PTPRB: variants seen among roughly 807,000 people sequenced by gnomAD.
PTPRB encodes protein tyrosine phosphatase receptor type B, also known as receptor-type tyrosine-protein phosphatase beta.
PTPRB carries 97 observed loss-of-function variants against 238.1 expected under a neutral mutation model. That is an observed-to-expected ratio of 0.41 (90% confidence interval 0.35 to 0.48). The LOEUF (loss-of-function observed/expected upper bound fraction) is 0.48. Among genes scored for constraint, PTPRB ranks in the 20% least tolerant of loss-of-function variants. The pLI, the probability that PTPRB is intolerant of heterozygous loss-of-function variation, is 0.30. For synonymous variants in PTPRB, 970 were observed against 995.4 expected (o/e 0.97, Z 0.48); for missense variants, 2,292 against 2,681.9 (o/e 0.85, Z 3.21).
rs1334902397 is a variant in PTPRB at position 70,544,666 on chromosome 12, G to A, written c.5388-3C>T. 1.9e-6 allele frequency: 3 copies of A among 1,559,640 alleles called. No homozygotes were observed. The Admixed American group carries it at 6.3e-5, about 33-fold the overall frequency. On this transcript the variant is annotated splice_polypyrimidine_tract_variant and splice_region_variant and intron_variant, in intron 21 of 33. Coordinates refer to ENST00000334414, the MANE Select transcript of PTPRB (RefSeq NM_001109754.4). The stretch of plus-strand genomic sequence containing the variant: ...GTGTAAAAGCTCGAATGCTGATTCT[G>A]AAAAGAAAACCGATTTATTTAAATA...
chr12:70,527,925 T>C (rs545390388), intron 32 of PTPRB, among the ~76,000 whole-genome samples: 6 of 152,272 alleles, frequency 3.9e-5, no homozygotes, highest in African/African-American at 1.2e-4. Flanking sequence ...ACAACTCAAC[T>C]TCAGCAGAGG....
At chr12:70,544,334 A>G (rs1490897634) in intron 22 of PTPRB, among the ~76,000 whole-genome samples, 1 of 152,214 alleles carries the variant, frequency 6.6e-6, no homozygotes, top group Non-Finnish European at 1.5e-5. Flanking sequence ...TTTAATAGAA[A>G]AAAATACTGT....
chr12:70,544,021 T>C (rs1223523861), intron 22 of PTPRB, among the ~76,000 whole-genome samples: 3 of 152,204 alleles, frequency 2.0e-5, no homozygotes, highest in Non-Finnish European at 4.4e-5. Flanking sequence ...TCTAACACAC[T>C]AGAGAAGTCT....
Position 70,626,369 on chromosome 12 carries a change from TCCTG to T in PTPRB, c.452-3727_452-3724del, listed in dbSNP as rs757749640. Among the ~76,000 whole-genome samples, 82 of 124,504 alleles carry T rather than the reference TCCTG, an allele frequency of 6.6e-4. 1 individual carries two copies. The highest frequency in any genetic ancestry group is 3.9e-3 in the Middle Eastern group (1 of 258). The allele number at this position is 124,504 out of a possible 152,430, so 81.7% of individuals were successfully genotyped here. A position where few individuals can be genotyped will look rare whatever the true frequency, so the allele number is the denominator to read the frequency against. ...TATCTATCTATCTATCTATCTATAT[TCCTG>T]CCTGCCTGCCTGCCTGCCTGCCTGC... On this transcript the variant is annotated intron_variant, in intron 2 of 33. Transcript: ENST00000334414.
At position 70,560,038 on chromosome 12, in the gene PTPRB, C is replaced by T. The variant is rs532875607; in HGVS notation, c.4433-414G>A. On this transcript the variant is annotated intron_variant, in intron 17 of 33. Coordinates refer to ENST00000334414, the MANE Select transcript of PTPRB (RefSeq NM_001109754.4). This position sits in a 1 kb window ranked among gnomAD's most constrained non-coding sequence, Gnocchi z 4.2. ...TTTTAGTAGAGACAGGGTTTCCTCT[C>T]GTTGACCAGGCTGGTCTCGAACTCC... Among the ~76,000 whole-genome samples, 75 of 151,978 alleles carry T rather than the reference C, an allele frequency of 4.9e-4. 1 individual carries two copies. Among genetic ancestry groups the T allele is most frequent in the African/African-American group, 1.1e-3 (46 of 41,464 alleles).
In PTPRB at chr12:70,594,461, A is replaced by G. The variant is rs755446524; in HGVS notation, c.1516+6T>C. ...ATTCTTCTTCAGCTAGCTAGGGGGAACTTACCTGTCCTGACTAGTTTCCAC... is the reference window on the plus strand; with the variant it reads ...ATTCTTCTTCAGCTAGCTAGGGGGAGCTTACCTGTCCTGACTAGTTTCCAC... On this transcript the variant is annotated splice_donor_region_variant and intron_variant, in intron 6 of 33. Transcript: ENST00000334414. 9 of 1,612,700 alleles carry G rather than the reference A, an allele frequency of 5.6e-6. No individual in the cohort carries two copies. Among genetic ancestry groups the G allele is most frequent in the South Asian group, 1.1e-5 (1 of 91,006 alleles).
intron 10 of PTPRB, among the ~76,000 whole-genome samples, chr12:70,578,909 G>C (rs1223411718): frequency 2.6e-5 from 4 of 152,198 alleles, no homozygotes; most frequent in Non-Finnish European, 5.9e-5. Flanking sequence ...TGGAATGTGG[G>C]TGGAAGTGAA....
intron 4 of PTPRB, among the ~76,000 whole-genome samples, chr12:70,601,936 G>A (rs10879168): frequency 0.22 from 32,544 of 150,432 alleles, 3,594 homozygotes; most frequent in East Asian, 0.28. Context: ...GACTACAGGC[G>A]CCCGCCACCA....
chr12:70,544,591 G>A lies in PTPRB; in HGVS notation c.5460C>T (p.Asp1820=), dbSNP rs369243914. 1.9e-6 allele frequency: 3 copies of A among 1,612,046 alleles called. No homozygotes were observed. Among genetic ancestry groups the A allele is most frequent in the Non-Finnish European group, 2.5e-6 (3 of 1,179,178 alleles). ...LKEFTKPLYS[D]TFFSLPITTE... ...TAGTGATGGGTAAAGAAAAAAATGT[G>A]TCTGAATAGAGTGGCTTTGTGAATT... Residue 1820 remains aspartate (D), a synonymous_variant, in exon 22 of 34, where the codon GAC becomes GAT. Coordinates refer to ENST00000334414, the MANE Select transcript of PTPRB (RefSeq NM_001109754.4).
At chr12:70,575,028 A>G (rs994941030) in intron 11 of PTPRB, among the ~76,000 whole-genome samples, 1 of 152,208 alleles carries the variant, frequency 6.6e-6, no homozygotes, top group South Asian at 2.1e-4. Context: ...ACCCTGACAT[A>G]AGACTGCTTT....
At chr12:70,626,296 C>CATCTATCCATCTATCT (rs1555240760) in intron 2 of PTPRB, among the ~76,000 whole-genome samples, 3 of 91,912 alleles carry the variant, frequency 3.3e-5, no homozygotes, top group African/African-American at 1.4e-4. Flanking sequence ...TCTATCCATC[C>CATCTATCCATCTATCT]ATCTATCTAT....
chr12:70,547,500 TTTTC>T (rs1308056513), intron 21 of PTPRB, among the ~76,000 whole-genome samples: 3 of 149,118 alleles, frequency 2.0e-5, no homozygotes, highest in Non-Finnish European at 4.4e-5. Context: ...CTTTTTTTCT[TTTTC>T]TTTCTTTTCT....
chr12:70,554,754 G>T (rs1877393886), intron 20 of PTPRB, among the ~76,000 whole-genome samples: 1 of 152,172 alleles, frequency 6.6e-6, no homozygotes, highest in African/African-American at 2.4e-5. Context: ...GGTGAAGACA[G>T]TTGAGGCATA....
intron 1 of PTPRB, among the ~76,000 whole-genome samples, chr12:70,636,751 T>C (rs1024714062): frequency 2.6e-5 from 4 of 152,202 alleles, no homozygotes; most frequent in Non-Finnish European, 5.9e-5. Flanking sequence ...CAAATACGAA[T>C]AGATTTTCTA....
intron 3 of PTPRB, among the ~76,000 whole-genome samples, chr12:70,614,419 T>C (rs1329096936): frequency 6.6e-6 from 1 of 152,136 alleles, no homozygotes; most frequent in African/African-American, 2.4e-5. Flanking sequence ...TTAGAATGTA[T>C]TACTTAAGTG....
intron 3 of PTPRB, among the ~76,000 whole-genome samples, chr12:70,619,065 T>TG (rs1335329356): frequency 2.6e-5 from 4 of 151,422 alleles, no homozygotes; most frequent in Non-Finnish European, 5.9e-5. Flanking sequence ...TAGAGAGGAG[T>TG]GATTGCTGGA....
chr12:70,618,638 G>A (rs1261390249), intron 3 of PTPRB, among the ~76,000 whole-genome samples: 1 of 152,156 alleles, frequency 6.6e-6, no homozygotes. Context: ...TAAGTTCTGG[G>A]ACTAGGGTCC....
chr12:70,565,166 T>C lies in PTPRB; in HGVS notation c.3904+1269A>G, dbSNP rs565506407. Among the ~76,000 whole-genome samples, 4 of 152,306 alleles carry C rather than the reference T, an allele frequency of 2.6e-5. No homozygotes were observed. The East Asian group carries it at 5.8e-4, about 22-fold the overall frequency. ...CTCCTCACTTCTGGTTCATTTCCAT[T>C]CAATCCATTCCCCCATTGCTATCTG... On this transcript the variant is annotated intron_variant, in intron 15 of 33. Coordinates refer to ENST00000334414, the MANE Select transcript of PTPRB (RefSeq NM_001109754.4).
intron 13 of PTPRB, among the ~76,000 whole-genome samples, chr12:70,570,732 A>G (rs1318822628): frequency 6.6e-6 from 1 of 152,154 alleles, no homozygotes; most frequent in Non-Finnish European, 1.5e-5. Flanking sequence ...TAAAGAAGTG[A>G]TACCCAAGTA....
Sources: allele counts gnomAD v4.1 joint callset (sites outside exome capture counted in the v4.1 genomes callset), GRCh38; gene constraint gnomAD v4.1.1; non-coding constraint Gnocchi (gnomAD v3.1); transcripts MANE v1.5; gene names NCBI Gene and HGNC (gene_info 2026-07-23, HGNC 2026-07-21).